NCOA7: variants seen among roughly 807,000 people sequenced by gnomAD.
NCOA7 encodes nuclear receptor coactivator 7.
NCOA7 carries 45 observed loss-of-function variants against 104.3 expected under a neutral mutation model. The ratio of observed to expected loss-of-function variants is 0.43; its 90% CI spans 0.34 to 0.55. NCOA7 has a LOEUF of 0.55. NCOA7 is among the 20% of genes least tolerant of loss of function. The pLI, the probability that NCOA7 is intolerant of heterozygous loss-of-function variation, is 0.02. For missense variants in NCOA7, 1,041 were observed against 1,119.7 expected (o/e 0.93, Z 1.00); for synonymous variants, 398 against 402.3 (o/e 0.99, Z 0.13).
chr6:125,915,509 G>C (rs374731809), intron 11 of NCOA7, 29 bp downstream of exon 11: 2 of 1,612,542 alleles, frequency 1.2e-6, no homozygotes, highest in East Asian at 4.5e-5. Context: ...TTAGACCGTC[G>C]TAGTTCCTAA....
chr6:125,919,314 T>C (rs1787359088), intron 11 of NCOA7: 1 of 1,612,622 alleles, frequency 6.2e-7, no homozygotes, highest in Non-Finnish European at 8.5e-7. Context: ...GAGAGAAAAC[T>C]TGTTCCTCAT....
intron 6 of NCOA7, among the ~76,000 whole-genome samples, chr6:125,881,656 G>A (rs1486852325): frequency 1.6e-5 from 2 of 128,408 alleles, no homozygotes; most frequent in African/African-American, 6.3e-5. Flanking sequence ...GGGTGACAGA[G>A]TGAAACCCTA....
At chr6:125,851,707 C>T (rs1461653051) in intron 2 of NCOA7, among the ~76,000 whole-genome samples, 1 of 152,206 alleles carries the variant, frequency 6.6e-6, no homozygotes, top group South Asian at 2.1e-4. Flanking sequence ...TATATTCCCA[C>T]CAGCAATGTA....
At chr6:125,813,268 A>G (rs928082824) in intron 1 of NCOA7, among the ~76,000 whole-genome samples, 1 of 152,146 alleles carries the variant, frequency 6.6e-6, no homozygotes, top group African/African-American at 2.4e-5. Context: ...TGGGCTGCAC[A>G]TAGCCAGCTA....
chr6:125,867,903 G>A (rs1479672799), intron 3 of NCOA7, among the ~76,000 whole-genome samples: 6 of 152,136 alleles, frequency 3.9e-5, no homozygotes, highest in African/African-American at 1.2e-4. Context: ...GAAAGCTGGG[G>A]GTGGGGCCTC....
intron 1 of NCOA7, among the ~76,000 whole-genome samples, chr6:125,795,336 T>A (rs191554295): frequency 3.6e-4 from 55 of 152,300 alleles, no homozygotes; most frequent in African/African-American, 1.2e-3. Context: ...TGTCTTTTTT[T>A]AAATTTATTT....
chr6:125,867,213 T>C (rs1562941960), intron 3 of NCOA7, among the ~76,000 whole-genome samples: 1 of 152,254 alleles, frequency 6.6e-6, no homozygotes, highest in African/African-American at 2.4e-5. Flanking sequence ...TGAACAACTT[T>C]ATGAATTTTT....
chr6:125,846,853 A>G (rs1378450727), intron 2 of NCOA7, among the ~76,000 whole-genome samples: 6 of 151,904 alleles, frequency 3.9e-5, no homozygotes, highest in Admixed American at 2.0e-4. Context: ...TAGAGATAAA[A>G]CTCCCTACCT....
At chr6:125,906,624 AAGAG>A (rs1786031851) in intron 10 of NCOA7, among the ~76,000 whole-genome samples, 1 of 152,144 alleles carries the variant, frequency 6.6e-6, no homozygotes, top group African/African-American at 2.4e-5. Context: ...GTGAGCCTGA[AAGAG>A]AGATCCTAAA....
At chr6:125,922,540 G>A in intron 12 of NCOA7, 142 bp from the exon 13 acceptor site, 3 of 962,792 alleles carry the variant, frequency 3.1e-6, no homozygotes, top group South Asian at 3.4e-5. Context: ...GTTTAGAATA[G>A]CAAATATTTG....
intron 10 of NCOA7, among the ~76,000 whole-genome samples, chr6:125,893,649 A>G (rs1179627797): frequency 6.6e-6 from 1 of 152,154 alleles, no homozygotes; most frequent in Non-Finnish European, 1.5e-5. Context: ...GAAACCTTGC[A>G]TAGTCTCCGT....
chr6:125,787,895 C>T (rs575535704), upstream of NCOA7, among the ~76,000 whole-genome samples: 1 of 152,132 alleles, frequency 6.6e-6, no homozygotes, highest in Admixed American at 6.6e-5. Context: ...ATTCCTATAT[C>T]CACCCTATAA....
intron 13 of NCOA7, among the ~76,000 whole-genome samples, chr6:125,923,813 C>T (rs1357553222): frequency 1.3e-5 from 2 of 152,146 alleles, no homozygotes; most frequent in African/African-American, 2.4e-5. Flanking sequence ...TGTAATGAGC[C>T]ATATACATGG....
At chr6:125,852,913 C>CT in intron 2 of NCOA7, among the ~76,000 whole-genome samples, 1 of 152,006 alleles carries the variant, frequency 6.6e-6, no homozygotes. Flanking sequence ...TATTTGGGCT[C>CT]TTTTTTGGTT....
At chr6:125,896,097 T>G (rs1784998626) in intron 10 of NCOA7, among the ~76,000 whole-genome samples, 2 of 150,360 alleles carry the variant, frequency 1.3e-5, no homozygotes, top group Non-Finnish European at 1.5e-5. Flanking sequence ...AGCACACCAT[T>G]ATGTTTTCTG....
intron 1 of NCOA7, among the ~76,000 whole-genome samples, chr6:125,808,488 C>T (rs978366116): frequency 1.3e-5 from 2 of 152,086 alleles, no homozygotes; most frequent in South Asian, 2.1e-4. Flanking sequence ...ATACTTGGTC[C>T]GTGATAGATG....
intron 2 of NCOA7, among the ~76,000 whole-genome samples, chr6:125,847,164 G>A (rs1231970354): frequency 2.0e-5 from 3 of 152,074 alleles, no homozygotes; most frequent in Non-Finnish European, 4.4e-5. Context: ...ATGTACCCTT[G>A]TACACATATT....
intron 1 of NCOA7, among the ~76,000 whole-genome samples, chr6:125,804,815 ACTGT>A (rs1176184949): frequency 1.3e-5 from 2 of 152,160 alleles, no homozygotes; most frequent in East Asian, 1.9e-4. Flanking sequence ...CCAAATTCTG[ACTGT>A]CTGTATTTAC....
chr6:125,902,253 T>C (rs1785571087), intron 10 of NCOA7, among the ~76,000 whole-genome samples: 1 of 152,194 alleles, frequency 6.6e-6, no homozygotes, highest in African/African-American at 2.4e-5. Context: ...GATCCTCATG[T>C]AGAAGAGACT....
Sources: gnomAD v4.1 joint callset for allele counts (sites outside exome capture counted in the v4.1 genomes callset) on GRCh38, gnomAD v4.1.1 for gene constraint, MANE v1.5 for transcripts, NCBI Gene and HGNC (gene_info 2026-07-23, HGNC 2026-07-21) for gene names.